HIP1: variants seen among roughly 807,000 people sequenced by gnomAD.
HIP1 encodes the protein huntingtin-interacting protein 1.
A neutral mutation model predicts 147.6 loss-of-function variants in HIP1; 65 were observed. The ratio of observed to expected loss-of-function variants is 0.44; its 90% CI spans 0.36 to 0.54. HIP1 has a LOEUF of 0.54. Among genes scored for constraint, HIP1 ranks in the 20% least tolerant of loss-of-function variants. The probability of loss-of-function intolerance (pLI) is 0.00; values close to 1 mark genes in which losing one functional copy is unlikely to be tolerated. For synonymous variants in HIP1, 479 were observed against 504.0 expected (o/e 0.95, Z 0.67); for missense variants, 1,061 against 1,299.6 (o/e 0.82, Z 2.82).
intron 7 of HIP1, among the ~76,000 whole-genome samples, chr7:75,578,453 A>G (rs1189467994): frequency 1.3e-5 from 2 of 150,850 alleles, no homozygotes; most frequent in Non-Finnish European, 2.9e-5. Context: ...AGGCAGGCAC[A>G]TCACTTGAGC....
intron 1 of HIP1, among the ~76,000 whole-genome samples, chr7:75,731,667 G>A (rs1210433253): frequency 6.6e-6 from 1 of 152,028 alleles, no homozygotes; most frequent in Non-Finnish European, 1.5e-5. Flanking sequence ...TACACAGCCT[G>A]GCTCTGAGCA....
At chr7:75,601,616 CAA>C (rs587710789) in intron 1 of HIP1, among the ~76,000 whole-genome samples, 1 of 142,014 alleles carries the variant, frequency 7.0e-6, no homozygotes, top group African/African-American at 2.6e-5. Context: ...ACAACAACAA[CAA>C]AAAAAAAAAG....
At chr7:75,562,031 C>T in intron 12 of HIP1, 42 bp downstream of exon 12, 7 of 1,173,490 alleles carry the variant, frequency 6.0e-6, no homozygotes, top group South Asian at 1.2e-5. Flanking sequence ...CATGGCTTAA[C>T]TTAGCTCCTG....
At chr7:75,580,297 C>A (rs1554498366) in intron 7 of HIP1, among the ~76,000 whole-genome samples, 2 of 152,218 alleles carry the variant, frequency 1.3e-5, no homozygotes, top group Non-Finnish European at 2.9e-5. Flanking sequence ...GGACCAAGGA[C>A]TGGCCAGGGC....
In HIP1 at chr7:75,664,360, A is replaced by G. The variant is rs930175246; in HGVS notation, c.121-65113T>C. 1.1e-4 allele frequency among the ~76,000 whole-genome samples: 7 copies of G among 64,686 alleles called. 1 individual carries two copies. Among genetic ancestry groups the G allele is most frequent in the African/African-American group, 3.2e-4 (4 of 12,490 alleles). 42.4% of individuals were successfully genotyped at this position (64,686 alleles called of 152,430 possible). ...TATGTGTGTATGTATACGTATACATACATATATACACATACATATGTGTAT... is the reference window on the plus strand; with the variant it reads ...TATGTGTGTATGTATACGTATACATGCATATATACACATACATATGTGTAT... On this transcript the variant is annotated intron_variant, in intron 1 of 30. Transcript: ENST00000336926.
chr7:75,662,487 C>G (rs1450570302), intron 1 of HIP1, among the ~76,000 whole-genome samples: 2 of 152,014 alleles, frequency 1.3e-5, no homozygotes, highest in East Asian at 3.9e-4. Context: ...TGGAAAGAGG[C>G]TTTTATTTAT....
intron 1 of HIP1, among the ~76,000 whole-genome samples, chr7:75,617,523 T>G (rs1554506329): frequency 2.0e-5 from 3 of 152,188 alleles, no homozygotes; most frequent in Non-Finnish European, 4.4e-5. Flanking sequence ...AGCCTCAGCC[T>G]GGTTCCTTGC....
chr7:75,635,742 G>A (rs1161401260), intron 1 of HIP1, among the ~76,000 whole-genome samples: 4 of 152,004 alleles, frequency 2.6e-5, no homozygotes, highest in Non-Finnish European at 5.9e-5. Context: ...ATGCAGGGAC[G>A]CAATGTACAG....
intron 1 of HIP1, among the ~76,000 whole-genome samples, chr7:75,610,526 TTGAATTCC>T: frequency 6.6e-6 from 1 of 151,978 alleles, no homozygotes; most frequent in African/African-American, 2.4e-5. Context: ...TTCTCTTTTT[TTGAATTCC>T]TATTTCTCTT....
intron 1 of HIP1, among the ~76,000 whole-genome samples, chr7:75,608,549 T>C (rs1193649703): frequency 1.3e-5 from 2 of 152,142 alleles, no homozygotes; most frequent in African/African-American, 4.8e-5. Flanking sequence ...GTGACCTGGA[T>C]TGAAATGGAC....
rs1255076538 is a variant in HIP1 at position 75,717,358 on chromosome 7, C to A, written c.120+21443G>T. ...TCCAAGTACACAAGGAACTCAGCTG[C>A]CCCTATAGCACTTAGAAAGTCATGA... On this transcript the variant is annotated intron_variant, in intron 1 of 30. Coordinates refer to ENST00000336926, the MANE Select transcript of HIP1 (RefSeq NM_005338.7). Among the ~76,000 whole-genome samples, 2 of 152,098 alleles carry A rather than the reference C, an allele frequency of 1.3e-5. 1 individual carries two copies. Among genetic ancestry groups the A allele is most frequent in the East Asian group, 3.8e-4 (2 of 5,196 alleles).
At chr7:75,644,310 T>A (rs530725616) in intron 1 of HIP1, among the ~76,000 whole-genome samples, 1 of 152,308 alleles carries the variant, frequency 6.6e-6, no homozygotes, top group East Asian at 1.9e-4. Context: ...TGTTTTGTTT[T>A]TGAGATGGAA....
At chr7:75,555,376 A>C in intron 19 of HIP1, 40 bp downstream of exon 19, 1 of 1,610,510 alleles carries the variant, frequency 6.2e-7, no homozygotes, top group South Asian at 1.1e-5. Flanking sequence ...CTCAGGCTGT[A>C]AGGACCTGGC....
intron 9 of HIP1, among the ~76,000 whole-genome samples, chr7:75,567,132 A>G (rs1795435824): frequency 1.3e-5 from 2 of 150,630 alleles, no homozygotes; most frequent in South Asian, 4.2e-4. Context: ...ACAAAAACAA[A>G]CAAACAAAAA....
chr7:75,640,482 C>A (rs1798614598), intron 1 of HIP1, among the ~76,000 whole-genome samples: 1 of 152,168 alleles, frequency 6.6e-6, no homozygotes, highest in African/African-American at 2.4e-5. Context: ...GTAATCCCAG[C>A]ACTTTAGGCC....
intron 1 of HIP1, among the ~76,000 whole-genome samples, chr7:75,678,392 G>A (rs1231083133): frequency 1.4e-5 from 2 of 139,810 alleles, no homozygotes; most frequent in African/African-American, 5.4e-5. Flanking sequence ...CACCCAGGCT[G>A]GAGTACGGTG....
At chr7:75,650,830 C>T (rs1584920133) in intron 1 of HIP1, among the ~76,000 whole-genome samples, 1 of 152,190 alleles carries the variant, frequency 6.6e-6, no homozygotes, top group African/African-American at 2.4e-5. Context: ...AGCTGGTGTC[C>T]CCGCCCTGGG....
At chr7:75,675,402 T>C (rs1799858664) in intron 1 of HIP1, among the ~76,000 whole-genome samples, 1 of 152,262 alleles carries the variant, frequency 6.6e-6, no homozygotes, top group East Asian at 1.9e-4. Flanking sequence ...GGTTTCACCA[T>C]GTTGGCCAGG....
chr7:75,633,773 A>G (rs1798323253), intron 1 of HIP1, among the ~76,000 whole-genome samples: 1 of 152,114 alleles, frequency 6.6e-6, no homozygotes, highest in African/African-American at 2.4e-5. Context: ...CAGCAAATAC[A>G]TGTGATACCA....
Sources: allele counts gnomAD v4.1 joint callset (sites outside exome capture counted in the v4.1 genomes callset), GRCh38; gene constraint gnomAD v4.1.1; transcripts MANE v1.5; gene names NCBI Gene and HGNC (gene_info 2026-07-23, HGNC 2026-07-21).